The following TLN2 variants were observed in gnomAD, a reference collection of about 807,000 sequenced individuals.
The protein encoded by TLN2 is talin 2.
TLN2 carries 118 observed loss-of-function variants against 294.7 expected under a neutral mutation model. The observed-to-expected ratio is 0.40, with a 90% CI of 0.34 to 0.47. The LOEUF is 0.47. TLN2 is among the 20% of genes least tolerant of loss of function. The probability of loss-of-function intolerance (pLI) is 0.84; values close to 1 mark genes in which losing one functional copy is unlikely to be tolerated. For synonymous variants in TLN2, 1,431 were observed against 1,304.5 expected, an observed-to-expected ratio of 1.10 and a Z score of -2.09; for missense variants, 3,083 against 3,282.2, an observed-to-expected ratio of 0.94 and a Z score of 1.48.
chr15:62,826,920 T>C (rs1443004699), intron 54 of TLN2, among the ~76,000 whole-genome samples: 2 of 152,144 alleles, frequency 1.3e-5, no homozygotes, highest in Non-Finnish European at 2.9e-5. Flanking sequence ...TGACCTTATT[T>C]TTAGTAGCAG....
intron 3 of TLN2, among the ~76,000 whole-genome samples, chr15:62,628,963 G>A (rs890787456): frequency 3.3e-5 from 5 of 152,176 alleles, no homozygotes; most frequent in African/African-American, 1.2e-4. Flanking sequence ...TGGGAGGTAC[G>A]AGGCAGGAGG....
At chr15:62,517,524 G>A (rs1158843562) in intron 1 of TLN2, among the ~76,000 whole-genome samples, 1 of 152,204 alleles carries the variant, frequency 6.6e-6, no homozygotes, top group Non-Finnish European at 1.5e-5. Flanking sequence ...ATGAGGTGGT[G>A]ATTGCTGTTT....
At chr15:62,663,517 A>C (rs1186598316) in intron 9 of TLN2, among the ~76,000 whole-genome samples, 1 of 151,874 alleles carries the variant, frequency 6.6e-6, no homozygotes, top group Non-Finnish European at 1.5e-5. Context: ...GATTATCTAC[A>C]TAGATAATCA....
rs150371514 is a variant in TLN2 at position 62,400,515 on chromosome 15, C to A, written c.-238+9830C>A. Reference sequence around the variant, plus strand: ...TTCATCAGCAGTGAAAGTGAGAATTCATGGGTATCATTTTAAATAGTCTAT... The same window carrying A: ...TTCATCAGCAGTGAAAGTGAGAATTAATGGGTATCATTTTAAATAGTCTAT... On this transcript the variant is annotated intron_variant, in intron 1 of 58. Coordinates refer to ENST00000636159, the MANE Select transcript of TLN2 (RefSeq NM_015059.3). Among the ~76,000 whole-genome samples, 227 of 152,310 alleles carry A rather than the reference C, an allele frequency of 1.5e-3. 1 individual carries two copies. Among genetic ancestry groups the A allele is most frequent in the Middle Eastern group, 6.8e-3 (2 of 294 alleles).
intron 1 of TLN2, among the ~76,000 whole-genome samples, chr15:62,465,768 G>C (rs935050787): frequency 2.0e-5 from 3 of 152,238 alleles, no homozygotes; most frequent in Non-Finnish European, 4.4e-5. Context: ...TGCAGTTGCA[G>C]CTGTGCTGTT....
intron 1 of TLN2, among the ~76,000 whole-genome samples, chr15:62,580,534 G>C (rs1370472007): frequency 6.6e-6 from 1 of 151,550 alleles, no homozygotes; most frequent in Non-Finnish European, 1.5e-5. Flanking sequence ...CCTCAGCCTC[G>C]CGAGTAGCCG....
At chr15:62,817,792 T>C (rs7164501) in intron 52 of TLN2, among the ~76,000 whole-genome samples, 148,379 of 150,330 alleles carry the variant, frequency 0.99, 73,252 homozygotes, top group Middle Eastern at 1. Flanking sequence ...AGAAATACTC[T>C]CCATGTGTTA....
intron 1 of TLN2, among the ~76,000 whole-genome samples, chr15:62,467,291 A>G (rs2037190865): frequency 1.3e-5 from 2 of 152,334 alleles, no homozygotes; most frequent in Admixed American, 1.3e-4. Context: ...TTTGCTTCCC[A>G]GATAGGGGTG....
At chr15:62,797,169 GC>G (rs1291420471) in intron 47 of TLN2, 49 bp from the exon 48 acceptor site, 1 of 1,601,772 alleles carries the variant, frequency 6.2e-7, no homozygotes, top group Non-Finnish European at 8.5e-7. Flanking sequence ...AAGTAATCAA[GC>G]TTTGCCCTCT....
intron 1 of TLN2, among the ~76,000 whole-genome samples, chr15:62,433,509 G>T (rs2035127256): frequency 6.6e-6 from 1 of 152,122 alleles, no homozygotes; most frequent in African/African-American, 2.4e-5. Flanking sequence ...TCTCAGGGGT[G>T]TGAATTCTCT....
At chr15:62,510,988 G>A (rs142375053) in intron 1 of TLN2, among the ~76,000 whole-genome samples, 56 of 152,316 alleles carry the variant, frequency 3.7e-4, no homozygotes, top group Non-Finnish European at 6.3e-4. Flanking sequence ...TGACAAGAAC[G>A]TCTTACAATA....
intron 1 of TLN2, among the ~76,000 whole-genome samples, chr15:62,450,527 A>G (rs971527785): frequency 1.9e-5 from 1 of 52,648 alleles, no homozygotes; most frequent in South Asian, 7.5e-4. Flanking sequence ...GTATGTATGT[A>G]TGTATGTATG....
intron 11 of TLN2, chr15:62,682,878 ATT>A (rs2056959417): frequency 6.6e-6 from 1 of 152,182 alleles, no homozygotes; most frequent in Non-Finnish European, 1.5e-5. Context: ...GAGGTGTTAG[ATT>A]ACCTGGAGAA....
intron 1 of TLN2, among the ~76,000 whole-genome samples, chr15:62,577,529 A>G (rs1258252500): frequency 6.6e-6 from 1 of 152,234 alleles, no homozygotes; most frequent in African/African-American, 2.4e-5. Context: ...AATCTGATAT[A>G]TGATACTTGC....
intron 1 of TLN2, among the ~76,000 whole-genome samples, chr15:62,436,333 A>G: frequency 6.6e-6 from 1 of 152,310 alleles, no homozygotes; most frequent in South Asian, 2.1e-4. Context: ...ATTCAAACTA[A>G]CAGTCCTTGG....
At chr15:62,473,037 G>A (rs940089712) in intron 1 of TLN2, among the ~76,000 whole-genome samples, 1 of 152,182 alleles carries the variant, frequency 6.6e-6, no homozygotes, top group African/African-American at 2.4e-5. Flanking sequence ...AGGCCTGCAG[G>A]GTGTGTAAGA....
intron 1 of TLN2, among the ~76,000 whole-genome samples, chr15:62,505,835 C>T (rs902413852): frequency 3.3e-5 from 5 of 152,016 alleles, no homozygotes; most frequent in Non-Finnish European, 7.4e-5. Flanking sequence ...TGATGGGGGG[C>T]GGACGGGGAA....
chr15:62,774,160 T>C (rs1184520243), intron 42 of TLN2, among the ~76,000 whole-genome samples: 1 of 152,228 alleles, frequency 6.6e-6, no homozygotes, highest in African/African-American at 2.4e-5. Flanking sequence ...AGTTGAAATC[T>C]GCTCCCCTGT....
chr15:62,555,749 G>A (rs1378863363), intron 1 of TLN2, among the ~76,000 whole-genome samples: 1 of 151,992 alleles, frequency 6.6e-6, no homozygotes, highest in Non-Finnish European at 1.5e-5. Context: ...TGCTCTTTTT[G>A]TGCCAGTTTT....
Sources: gnomAD v4.1 joint callset for allele counts (sites outside exome capture counted in the v4.1 genomes callset) on GRCh38, gnomAD v4.1.1 for gene constraint, MANE v1.5 for transcripts, NCBI Gene and HGNC (gene_info 2026-07-23, HGNC 2026-07-21) for gene names.